The following ADGRB1 variants were observed in gnomAD, a reference collection of about 807,000 sequenced individuals.
The protein encoded by ADGRB1 is brain-specific angiogenesis inhibitor 1.
ADGRB1 carries 36 observed loss-of-function variants against 175.7 expected under a neutral mutation model. The ratio of observed to expected loss-of-function variants is 0.20; its 90% CI spans 0.16 to 0.27. The LOEUF is 0.27. ADGRB1 is among the 10% of genes least tolerant of loss of function. The probability of loss-of-function intolerance (pLI) is 1.00; values close to 1 mark genes in which losing one functional copy is unlikely to be tolerated. For missense variants in ADGRB1, 1,731 were observed against 2,255.3 expected (o/e 0.77, Z 4.71); for synonymous variants, 1,054 against 979.4 (o/e 1.08, Z -1.42).
intron 2 of ADGRB1, 52 bp downstream of exon 2, chr8:142,465,034 AGGCGGGC>A: frequency 3.8e-6 from 1 of 262,148 alleles, no homozygotes; most frequent in Non-Finnish European, 5.1e-6. Flanking sequence ...CAGACAGGGG[AGGCGGGC>A]AGACAGGGGA....
At chr8:142,531,074 A>C (rs1369754300) in intron 24 of ADGRB1, among the ~76,000 whole-genome samples, 1 of 152,242 alleles carries the variant, frequency 6.6e-6, no homozygotes, top group Non-Finnish European at 1.5e-5. Context: ...GACGGGCAGC[A>C]GCAGGGGTGA....
At position 142,537,703 on chromosome 8, in the gene ADGRB1, T is replaced by TGCCTGC. The variant is rs1279111069; in HGVS notation, c.3666+627_3666+632dup. 1.3e-5 allele frequency among the ~76,000 whole-genome samples: 2 copies of TGCCTGC among 152,134 alleles called. No homozygotes were observed. The highest frequency in any genetic ancestry group is 2.4e-5 in the African/African-American group (1 of 41,426). The stretch of plus-strand genomic sequence containing the variant: ...GTTCTGCACCCCCCGCCCCTGCCTG[T>TGCCTGC]GCCTGCGCCTGTCCTCTTTACAGCA... On this transcript the variant is annotated intron_variant, in intron 26 of 30. Transcript: ENST00000517894. The surrounding 1 kb of genome is among the most constrained non-coding windows in gnomAD (Gnocchi z 4.6).
intron 17 of ADGRB1, among the ~76,000 whole-genome samples, chr8:142,499,475 G>A (rs184852920): frequency 3.8e-4 from 58 of 152,378 alleles, no homozygotes; most frequent in Non-Finnish European, 7.2e-4. Context: ...GCTGGGATTC[G>A]GGGCCAGTTC....
intron 1 of ADGRB1, among the ~76,000 whole-genome samples, chr8:142,458,683 T>C (rs867192639): frequency 6.6e-5 from 10 of 152,086 alleles, no homozygotes; most frequent in Middle Eastern, 6.8e-3. Context: ...TGAGGCCACC[T>C]CGCAGAAGCT....
chr8:142,506,194 G>A (rs541118846), intron 17 of ADGRB1, among the ~76,000 whole-genome samples: 1 of 152,232 alleles, frequency 6.6e-6, no homozygotes, highest in Non-Finnish European at 1.5e-5. Flanking sequence ...GGCAGGAGCC[G>A]AGTGGGAGGA....
At chr8:142,536,244 G>A (rs2132248573) in intron 25 of ADGRB1, among the ~76,000 whole-genome samples, 1 of 144,688 alleles carries the variant, frequency 6.9e-6, no homozygotes. Flanking sequence ...TTTATATACT[G>A]TTACCACCGC....
chr8:142,494,047 C>T (rs373918780), intron 17 of ADGRB1, among the ~76,000 whole-genome samples: 12 of 152,180 alleles, frequency 7.9e-5, no homozygotes, highest in South Asian at 2.1e-4. Context: ...GAGTCTCATG[C>T]GTCTGGGGAG....
intron 24 of ADGRB1, among the ~76,000 whole-genome samples, chr8:142,528,988 G>A (rs566393304): frequency 1.3e-5 from 2 of 152,348 alleles, no homozygotes; most frequent in East Asian, 3.9e-4. Context: ...TGCAAGCTGT[G>A]GTTTCTTGCT....
At chr8:142,544,119 C>A in intron 30 of ADGRB1, 101 bp from the exon 31 acceptor site, 2 of 1,282,348 alleles carry the variant, frequency 1.6e-6, no homozygotes, top group Non-Finnish European at 2.2e-6. Flanking sequence ...CACCTCCCGT[C>A]CCTTCCTCAC....
chr8:142,525,559 G>A (rs1323131271), intron 23 of ADGRB1, among the ~76,000 whole-genome samples: 1 of 152,190 alleles, frequency 6.6e-6, no homozygotes, highest in African/African-American at 2.4e-5. Flanking sequence ...AGGCTGCCCA[G>A]GAAAGAGGCC....
intron 13 of ADGRB1, among the ~76,000 whole-genome samples, chr8:142,485,698 C>A (rs549389900): frequency 1.3e-5 from 2 of 152,344 alleles, no homozygotes; most frequent in South Asian, 2.1e-4. Context: ...AGCCAGCTCC[C>A]AGAGCACTCG....
At position 142,543,144 on chromosome 8, in the gene ADGRB1, G is replaced by C. The variant is rs571676909; in HGVS notation, c.4414-259G>C. Among the ~76,000 whole-genome samples, 6 of 152,142 alleles carry C rather than the reference G, an allele frequency of 3.9e-5. No individual in the cohort carries two copies. The highest frequency in any genetic ancestry group is 7.4e-5 in the Non-Finnish European group (5 of 68,006). On this transcript the variant is annotated intron_variant, in intron 28 of 30. Transcript: ENST00000517894. This position sits in a 1 kb window ranked among gnomAD's most constrained non-coding sequence, Gnocchi z 4.4. ...CCCAGCCATGTGGCCCCAAGTTCAG[G>C]TCTCCTTGATCCTGGGGAGTGTGTC... is the stretch of plus-strand genomic sequence containing the variant.
chr8:142,502,388 CAG>C (rs1271970948), intron 17 of ADGRB1, among the ~76,000 whole-genome samples: 3 of 4,208 alleles, frequency 7.1e-4, no homozygotes, highest in Non-Finnish European at 1.4e-3. Flanking sequence ...TTGATGATGA[CAG>C]TGGTGGTGAT....
At chr8:142,497,887 A>C (rs1386458021) in intron 17 of ADGRB1, among the ~76,000 whole-genome samples, 2 of 152,176 alleles carry the variant, frequency 1.3e-5, no homozygotes, top group Admixed American at 6.5e-5. Flanking sequence ...CCAGGTCGTA[A>C]GGTCACGGCT....
intron 25 of ADGRB1, among the ~76,000 whole-genome samples, chr8:142,536,128 A>G (rs1844908774): frequency 6.6e-6 from 1 of 151,380 alleles, no homozygotes; most frequent in African/African-American, 2.4e-5. Context: ...CCTGGAAGCC[A>G]GGAGCCCCAG....
chr8:142,530,847 G>A (rs948668243), intron 24 of ADGRB1, among the ~76,000 whole-genome samples: 2 of 152,184 alleles, frequency 1.3e-5, no homozygotes, highest in African/African-American at 2.4e-5. Flanking sequence ...AGGAGCAGGC[G>A]CGGTGCAGCT....
At chr8:142,470,394 CGTGT>C (rs146603254) in intron 2 of ADGRB1, among the ~76,000 whole-genome samples, 2 of 151,622 alleles carry the variant, frequency 1.3e-5, no homozygotes, top group East Asian at 1.9e-4. Context: ...TGTGTGTCCT[CGTGT>C]GTGTGTGTGT....
chr8:142,508,078 C>G lies in ADGRB1; in HGVS notation c.2676-2854C>G, dbSNP rs1056130988. On this transcript the variant is annotated intron_variant, in intron 17 of 30. Transcript: ENST00000517894. Reference sequence around the variant, plus strand: ...TTTTTATGTGTCTGGCTGCATGCCCCCTCCCACCCGGGGCCTACAGCTGAA... The same window carrying G: ...TTTTTATGTGTCTGGCTGCATGCCCGCTCCCACCCGGGGCCTACAGCTGAA... Among the ~76,000 whole-genome samples, 4 of 152,208 alleles carry G rather than the reference C, an allele frequency of 2.6e-5. No homozygotes were observed. The South Asian group carries it at 8.3e-4, about 32-fold the overall frequency.
chr8:142,526,267 T>A (rs1443703719), intron 23 of ADGRB1, among the ~76,000 whole-genome samples: 1 of 151,880 alleles, frequency 6.6e-6, no homozygotes, highest in Non-Finnish European at 1.5e-5. Flanking sequence ...GCCCTGTGGG[T>A]GGGGAGCTCG....
Sources: gnomAD v4.1 joint callset for allele counts (sites outside exome capture counted in the v4.1 genomes callset) on GRCh38, gnomAD v4.1.1 for gene constraint, Gnocchi (gnomAD v3.1) non-coding constraint, MANE v1.5 for transcripts, NCBI Gene and HGNC (gene_info 2026-07-23, HGNC 2026-07-21) for gene names.